HOXA3: variants seen among roughly 807,000 people sequenced by gnomAD.
The protein encoded by HOXA3 is homeobox protein Hox-A3.
HOXA3 carries 8 observed loss-of-function variants against 30.3 expected under a neutral mutation model. The ratio of observed to expected loss-of-function variants is 0.26; its 90% confidence interval spans 0.15 to 0.48. The LOEUF (loss-of-function observed/expected upper bound fraction) is 0.48. Among genes scored for constraint, HOXA3 ranks in the 20% least tolerant of loss-of-function variants. The pLI is 0.99. For synonymous variants in HOXA3, 323 were observed against 273.1 expected (o/e 1.18, Z -1.80); for missense variants, 653 against 614.4 (o/e 1.06, Z -0.66).
chr7:27,147,509 A>T, intron 1 of HOXA3: 1 of 1,614,158 alleles, frequency 6.2e-7, no homozygotes, highest in Non-Finnish European at 8.5e-7. Context: ...TCCTTATCAG[A>T]ATAGAAACAC....
At chr7:27,121,771 C>G (rs1785023849) in intron 4 of HOXA3, 1 of 152,584 alleles carries the variant, frequency 6.6e-6, no homozygotes, top group South Asian at 2.1e-4. Context: ...GCTATTCCAG[C>G]AGCCCCTCCC....
intron 2 of HOXA3, chr7:27,129,077 G>A: frequency 1.4e-6 from 1 of 708,470 alleles, no homozygotes; most frequent in Non-Finnish European, 2.5e-6. Flanking sequence ...ACCGGATAAT[G>A]TCTTCTTTTT....
In HOXA3 at chr7:27,110,546, G is replaced by C. The variant is rs1376465603; in HGVS notation, c.95C>G (p.Pro32Arg). Residue 32 changes from proline to arginine, a missense_variant, in exon 5 of 6, where the codon CCG (proline) becomes CGG (arginine). Coordinates refer to ENST00000612286, the MANE Select transcript of HOXA3 (RefSeq NM_153631.3). ...GCCCAAAGCGGCGGACGCCGGGTAC[G>C]GCTGCTGATTGGCATTATAAGCGAA... The part of the protein sequence containing the change: ...NGFAYNANQQ[P>R]YPASAALGAD... 8 of 1,606,718 alleles carry C rather than the reference G, an allele frequency of 5.0e-6. No individual in the cohort carries two copies. Among genetic ancestry groups the C allele is most frequent in the African/African-American group, 2.7e-5 (2 of 74,802 alleles).
chr7:27,141,782 T>C, intron 1 of HOXA3: 1 of 1,587,124 alleles, frequency 6.3e-7, no homozygotes, highest in African/African-American at 1.3e-5. Flanking sequence ...ACCTTAGTAC[T>C]GACACTACGC....
intron 1 of HOXA3, among the ~76,000 whole-genome samples, chr7:27,146,121 G>T (rs1782755908): frequency 6.6e-6 from 1 of 152,188 alleles, no homozygotes; most frequent in Non-Finnish European, 1.5e-5. Flanking sequence ...AACGACTTGG[G>T]GTGGACATTA....
chr7:27,140,760 TCTC>T (rs10531328), intron 1 of HOXA3, among the ~76,000 whole-genome samples: 104,011 of 151,814 alleles, frequency 0.69, 38,122 homozygotes, highest in East Asian at 0.85. Context: ...CTGGGTTTTT[TCTC>T]CTTTTTTCTT....
Position 27,108,438 on chromosome 7 carries a change from G to A in HOXA3, c.809C>T (p.Pro270Leu), listed in dbSNP as rs141075773. 2.5e-6 allele frequency: 4 copies of A among 1,613,926 alleles called. No individual in the cohort carries two copies. The highest frequency in any genetic ancestry group is 3.4e-6 in the Non-Finnish European group (4 of 1,179,920). ...GGQSPSRSPV[P>L]PGAGGYLNSM... ...GTTCAGATAGCCACCGGCTCCGGGG[G>A]GCACGGGGCTGCGACTTGGAGACTG... Residue 270 changes from proline to leucine, a missense_variant, in exon 6 of 6, where the codon CCC becomes CTC. Pro to Leu is a moderately conservative substitution (Grantham distance 98). This residue lies in a region of HOXA3 where 330 missense variants were observed against 274.4 expected (regional missense o/e 1.20). Transcript: ENST00000612286. The surrounding 1 kb of genome is among the most constrained non-coding windows in gnomAD (Gnocchi z 5.0).
intron 1 of HOXA3, chr7:27,145,700 C>G: frequency 6.2e-7 from 1 of 1,614,138 alleles, no homozygotes; most frequent in South Asian, 1.1e-5. Context: ...CGCTGGGCTG[C>G]GTGGAATTGA....
Position 27,110,358 on chromosome 7 carries a change from G to A in HOXA3, c.283C>T (p.Pro95Ser). Residue 95 changes from proline (P) to serine (S), a missense_variant, in exon 5 of 6, where the codon CCC becomes TCC. By Grantham distance (74) the Pro-to-Ser change is moderately conservative. Transcript: ENST00000612286. The part of the protein sequence containing the change: ...LGEPPLHPPP[P>S]QAAPPAPQPP... ...TGTGGGGCAGGGGGCGCGGCCTGGG[G>A]CGGCGGCGGGTGCAGGGGCGGCTCT... 1 of 1,506,164 alleles carries A rather than the reference G, an allele frequency of 6.6e-7. No individual in the cohort carries two copies. Among genetic ancestry groups the A allele is most frequent in the Non-Finnish European group, 8.8e-7 (1 of 1,132,310 alleles). 93.3% of individuals were successfully genotyped at this position (1,506,164 alleles called of 1,614,324 possible).
chr7:27,121,657 A>G (rs1180820160), intron 4 of HOXA3, among the ~76,000 whole-genome samples: 1 of 152,226 alleles, frequency 6.6e-6, no homozygotes, highest in Non-Finnish European at 1.5e-5. Flanking sequence ...TTAAGGGAAG[A>G]CTGGAGGCCT....
At chr7:27,111,525 G>T (rs1193099922) in intron 4 of HOXA3, among the ~76,000 whole-genome samples, 1 of 132,478 alleles carries the variant, frequency 7.5e-6, no homozygotes, top group African/African-American at 3.2e-5. Flanking sequence ...TAGGGTGAGG[G>T]ACCAACAGTA....
At chr7:27,151,725 A>C in intron 1 of HOXA3, 1 of 456,380 alleles carries the variant, frequency 2.2e-6, no homozygotes, top group Non-Finnish European at 4.4e-6. Context: ...CTCTGAAACC[A>C]ATTCCCACGG....
intron 2 of HOXA3, chr7:27,128,709 C>T (rs892636945): frequency 2.4e-5 from 4 of 168,268 alleles, no homozygotes; most frequent in Non-Finnish European, 5.3e-5. Flanking sequence ...ACATGTCACA[C>T]CTACCATCAA....
rs767689192 is a variant in HOXA3, at chr7:27,110,627, G to A, written c.14C>T (p.Thr5Ile). 9 of 1,603,366 alleles carry A rather than the reference G, an allele frequency of 5.6e-6. No individual in the cohort carries two copies. The highest frequency in any genetic ancestry group is 7.7e-6 in the Non-Finnish European group (9 of 1,172,000). The change falls in exon 5 of 6, where the codon ACC becomes ATC. Residue 5 changes from threonine to isoleucine, a missense_variant. Thr to Ile is a moderately conservative substitution (Grantham distance 89). Around this residue, in one of 3 missense-constraint regions of HOXA3, gnomAD observed 320 missense variants for 321.9 expected, o/e 0.99. Transcript: ENST00000612286. ...GTAGATCGCCGAGCTGTCGTAGTAG[G>A]TCGCTTTTTGCATCGCGTTGTTTCA... The part of the protein sequence containing the change: MQKA[T>I]YYDSSAIYGG...
intron 2 of HOXA3, 115 bp from the exon 3 acceptor site, chr7:27,127,185 T>A (rs1785319226): frequency 6.6e-6 from 1 of 152,010 alleles, no homozygotes; most frequent in Admixed American, 6.6e-5. Flanking sequence ...AGGGGGAGGG[T>A]TAATAAGTTT....
intron 1 of HOXA3, chr7:27,151,494 G>A (rs1424530445): frequency 2.4e-6 from 1 of 421,784 alleles, no homozygotes; most frequent in Admixed American, 2.5e-5. Flanking sequence ...CCTGCCACGC[G>A]CGCTAACAGC....
chr7:27,123,885 C>G (rs1240168374), intron 3 of HOXA3: 1 of 152,296 alleles, frequency 6.6e-6, no homozygotes, highest in Non-Finnish European at 1.5e-5. Context: ...GCTGCGCCCC[C>G]TTTCTCTTGT....
intron 1 of HOXA3, chr7:27,147,167 C>CTTT (rs1782796933): frequency 5.6e-6 from 5 of 893,512 alleles, no homozygotes; most frequent in Non-Finnish European, 6.6e-6. Flanking sequence ...TTTTTCTTCT[C>CTTT]TTTTAAGAAG....
chr7:27,146,936 G>A (rs1362687682), intron 1 of HOXA3, among the ~76,000 whole-genome samples: 2 of 152,186 alleles, frequency 1.3e-5, no homozygotes, highest in African/African-American at 4.8e-5. Context: ...TATCAGTGAC[G>A]CAGTGCAAAA....
Sources: gnomAD v4.1 joint callset for allele counts (sites outside exome capture counted in the v4.1 genomes callset) on GRCh38, gnomAD v4.1.1 for gene constraint, gnomAD v4.1.1 regional missense constraint, Gnocchi (gnomAD v3.1) non-coding constraint, MANE v1.5 for transcripts, NCBI Gene and HGNC (gene_info 2026-07-23, HGNC 2026-07-21) for gene names.